NOC2L: variants seen among roughly 807,000 people sequenced by gnomAD.
NOC2L encodes NOC2 like nucleolar associated transcriptional repressor.
Under a neutral mutation model 94.2 loss-of-function variants are expected in NOC2L, and 101 were observed. That is an observed-to-expected ratio of 1.07 (90% CI 0.91 to 1.26). The LOEUF is 1.26. Ranked by LOEUF, NOC2L falls within the 50% of genes most tolerant of loss-of-function variation. The pLI is 0.00. For missense variants in NOC2L, 1,076 were observed against 980.1 expected (o/e 1.10, Z -1.31); for synonymous variants, 531 against 413.4 (o/e 1.28, Z -3.45).
chr1:948,372 G>C, intron 13 of NOC2L, 118 bp downstream of exon 13: 2 of 1,047,188 alleles, frequency 1.9e-6, no homozygotes, highest in Non-Finnish European at 2.9e-6. Context: ...CCCAGCCCTG[G>C]GAGACCATGA....
At chr1:952,210 C>T (rs565348405) in intron 10 of NOC2L, 71 bp from the exon 11 acceptor site, 30 of 1,565,846 alleles carry the variant, frequency 1.9e-5, no homozygotes, top group Admixed American at 6.8e-5. Flanking sequence ...CCTCCTGGGC[C>T]GGCACAGGAA....
rs765666327 is a variant in NOC2L, at chr1:959,077, G to A, written c.31C>T (p.Leu11=). MAAAGSRKRR[L]AELTVDEFLA... ...AACTCGTCCACCGTCAGCTCCGCCA[G>A]GCGCCTGCGGGTCACGCAGGAGTCA... The change falls in exon 2 of 19, where the codon CTG becomes TTG. Residue 11 remains leucine, a synonymous_variant. Coordinates refer to ENST00000327044, the MANE Select transcript of NOC2L (RefSeq NM_015658.4). 9 of 1,608,872 alleles carry A rather than the reference G, an allele frequency of 5.6e-6. No individual in the cohort carries two copies. The highest frequency in any genetic ancestry group is 2.2e-5 in the East Asian group (1 of 44,818).
chr1:958,901 G>T, intron 2 of NOC2L, 28 bp downstream of exon 2: 1 of 1,612,320 alleles, frequency 6.2e-7, no homozygotes, highest in Non-Finnish European at 8.5e-7. Flanking sequence ...ACGAGCAAGA[G>T]GTTCTGCTCA....
At position 944,254 on chromosome 1, in the gene NOC2L, C is replaced by A; in HGVS notation, c.*440G>T. 1.4e-6 allele frequency: 2 copies of A among 1,449,986 alleles called. No individual in the cohort carries two copies. Among genetic ancestry groups the A allele is most frequent in the African/African-American group, 1.4e-5 (1 of 69,640 alleles). The allele number at this position is 1,449,986 out of a possible 1,614,324, so 89.8% of individuals were successfully genotyped here. On this transcript the variant is annotated 3_prime_UTR_variant, in exon 19 of 19. Transcript: ENST00000327044. ...GCTTTATTTCTTTCGGTTTCGGATGCAAAACAAAAAATTTTAAAAGAAAAT... is the reference window on the plus strand; with the variant it reads ...GCTTTATTTCTTTCGGTTTCGGATGAAAAACAAAAAATTTTAAAAGAAAAT...
At position 946,236 on chromosome 1, in the gene NOC2L, G is replaced by C; in HGVS notation, c.1854C>G (p.Tyr618Ter). 1 of 1,613,858 alleles carries C rather than the reference G, an allele frequency of 6.2e-7. No homozygotes were observed. The highest frequency in any genetic ancestry group is 8.5e-7 in the Non-Finnish European group (1 of 1,179,922). ...TREEGTPLTLYYSHWRKLRDR... is the reference protein window; with the variant it reads ...TREEGTPLTL ...CACGCAGCTTGCGCCAGTGGCTGTA[G>C]TACAAGGTCAGGGGTGTCCCCTCTT... Residue 618 changes from tyrosine (Y) to a stop codon, truncating the protein, a stop_gained, in exon 16 of 19, where the codon TAC becomes TAG. Transcript: ENST00000327044. LOFTEE classifies it high-confidence loss of function.
intron 2 of NOC2L, chr1:957,693 T>A (rs2100398674): frequency 5.5e-6 from 1 of 182,650 alleles, no homozygotes; most frequent in African/African-American, 2.3e-5. Context: ...AAACCGTTCG[T>A]GCCTCCTCTC....
chr1:958,748 G>C, intron 2 of NOC2L, 181 bp downstream of exon 2: 2 of 730,538 alleles, frequency 2.7e-6, no homozygotes, highest in Non-Finnish European at 4.9e-6. Flanking sequence ...CTAGGACAGA[G>C]TTTGGCACGG....
rs150197742 is a variant in NOC2L at position 946,207 on chromosome 1, C to G, written c.1883G>C (p.Arg628Pro). 5.0e-6 allele frequency: 8 copies of G among 1,613,196 alleles called. No individual in the cohort carries two copies. Among genetic ancestry groups the G allele is most frequent in the Non-Finnish European group, 6.8e-6 (8 of 1,179,496 alleles). The change falls in exon 16 of 19, where the codon CGG becomes CCG. Residue 628 changes from arginine to proline, a missense_variant. Arg to Pro is a moderately radical substitution (Grantham distance 103). Transcript: ENST00000327044. The stretch of plus-strand genomic sequence containing the variant: ...GCCACTGATCTCCAGCTGGATCTCC[C>G]GGTCACGCAGCTTGCGCCAGTGGCT... ...YYSHWRKLRD[R>P]EIQLEISGKE...
chr1:946,372 CA>C lies in NOC2L; in HGVS notation c.1803+29del, dbSNP rs756895133. ...GGGGCTATACCCTGGCAGGTGCCCT[CA>C]GGTGGCACTACCCCCAGGGCCCACT... On this transcript the variant is annotated intron_variant, in intron 15 of 18. Coordinates refer to ENST00000327044, the MANE Select transcript of NOC2L (RefSeq NM_015658.4). 105 of 1,613,294 alleles carry C rather than the reference CA, an allele frequency of 6.5e-5. 1 individual carries two copies. Among genetic ancestry groups the C allele is most frequent in the Middle Eastern group, 3.3e-4 (2 of 6,066 alleles).
In NOC2L at chr1:951,192, G is replaced by C. The variant is rs112703241; in HGVS notation, c.1378C>G (p.Arg460Gly). 11 of 1,597,042 alleles carry C rather than the reference G, an allele frequency of 6.9e-6. No homozygotes were observed. Among genetic ancestry groups the C allele is most frequent in the Non-Finnish European group, 9.4e-6 (11 of 1,172,140 alleles). Residue 460 changes from arginine (R) to glycine (G), a missense_variant, in exon 12 of 19, where the codon CGT (arginine) becomes GGT (glycine). Physicochemically the swap from Arg to Gly is moderately radical, Grantham distance 125. Around this residue, in one of 3 missense-constraint regions of NOC2L, gnomAD observed 615 missense variants for 577.4 expected, o/e 1.07. Transcript: ENST00000327044. ...RFYPLRMHCI[R>G]ALTLLSGSSG... ...CTCCCCGAGAGCAGCGTCAGGGCACGGATGCAGTGCATTCGCAGCGGGTAG... is the reference window on the plus strand; with the variant it reads ...CTCCCCGAGAGCAGCGTCAGGGCACCGATGCAGTGCATTCGCAGCGGGTAG...
At chr1:949,169 CAGAG>C (rs368747638) in intron 12 of NOC2L, among the ~76,000 whole-genome samples, 4,319 of 108,234 alleles carry the variant, frequency 0.04, 196 homozygotes, top group African/African-American at 0.098. Flanking sequence ...CCAGGAGGAG[CAGAG>C]AAAGAGTCAG....
At chr1:946,342 T>G in intron 15 of NOC2L, 56 bp from the exon 16 acceptor site, 6 of 1,611,212 alleles carry the variant, frequency 3.7e-6, no homozygotes, top group Non-Finnish European at 5.1e-6. Flanking sequence ...CCCCCACATG[T>G]AGCTGGGGCT....
chr1:944,714 G>A lies in NOC2L; in HGVS notation c.2230C>T (p.Gln744Ter), dbSNP rs768820103. 6 of 1,598,910 alleles carry A rather than the reference G, an allele frequency of 3.8e-6. No individual in the cohort carries two copies. In the East Asian group the frequency reaches 1.1e-4, roughly 30 times the overall value. Residue 744 changes from glutamine to a stop codon, truncating the protein, a stop_gained, in exon 19 of 19, where the codon CAG (glutamine) becomes TAG (stop). Coordinates refer to ENST00000327044, the MANE Select transcript of NOC2L (RefSeq NM_015658.4). LOFTEE classifies it high-confidence loss of function. ...QGPEDELEDL[Q>*]LSEDD Reference sequence around the variant, plus strand: ...CTGCCTCAGTCGTCCTCTGAGAGCTGCAGATCCTCCAGCTCGTCCTCCGGC... The same window carrying A: ...CTGCCTCAGTCGTCCTCTGAGAGCTACAGATCCTCCAGCTCGTCCTCCGGC...
At chr1:956,274 G>A in intron 4 of NOC2L, 59 bp from the exon 5 acceptor site, 3 of 1,598,552 alleles carry the variant, frequency 1.9e-6, no homozygotes, top group East Asian at 4.5e-5. Context: ...TGGCAGAGTG[G>A]AAACGGCAGC....
chr1:951,298 C>T, intron 11 of NOC2L, 60 bp from the exon 12 acceptor site: 1 of 1,322,416 alleles, frequency 7.6e-7, no homozygotes, highest in South Asian at 1.3e-5. Context: ...TGCCCCTCCC[C>T]CTGCTGTCTT....
At chr1:945,485 ACC>A in intron 17 of NOC2L, 31 bp downstream of exon 17, 2 of 1,611,134 alleles carry the variant, frequency 1.2e-6, no homozygotes, top group Non-Finnish European at 1.7e-6. Flanking sequence ...CTCCAGGCCC[ACC>A]CTTCCCCTGG....
At chr1:951,836 G>A (rs961391953) in intron 11 of NOC2L, among the ~76,000 whole-genome samples, 164 bp downstream of exon 11, 9 of 152,230 alleles carry the variant, frequency 5.9e-5, no homozygotes, top group African/African-American at 1.7e-4. Context: ...AGAATCCAGA[G>A]CATCTCCCCG....
In NOC2L at chr1:944,491, G is replaced by A; in HGVS notation, c.*203C>T. ...TGACTTCAGCAGCCCACAGCTGTGG[G>A]GCTTCAGCAGCCACACCAGCCCAGC... is the stretch of plus-strand genomic sequence containing the variant. On this transcript the variant is annotated 3_prime_UTR_variant, in exon 19 of 19. Coordinates refer to ENST00000327044, the MANE Select transcript of NOC2L (RefSeq NM_015658.4). 1.5e-6 allele frequency: 1 copy of A among 663,740 alleles called. No individual in the cohort carries two copies. The highest frequency in any genetic ancestry group is 4.2e-4 in the Middle Eastern group (1 of 2,382). The allele number at this position is 663,740 out of a possible 1,614,324, so 41.1% of individuals were successfully genotyped here.
intron 13 of NOC2L, 58 bp from the exon 14 acceptor site, chr1:948,290 G>T (rs1351630153): frequency 1.4e-6 from 2 of 1,401,254 alleles, no homozygotes; most frequent in African/African-American, 1.4e-5. Context: ...TGGGCACTCA[G>T]GCCCCTTCCC....
Sources: gnomAD v4.1 joint callset for allele counts (sites outside exome capture counted in the v4.1 genomes callset) on GRCh38, gnomAD v4.1.1 for gene constraint, gnomAD v4.1.1 regional missense constraint, MANE v1.5 for transcripts, NCBI Gene and HGNC (gene_info 2026-07-23, HGNC 2026-07-21) for gene names.